Variants in TBC1D5 observed in about 807,000 individuals in gnomAD.
TBC1D5 encodes TBC1 domain family, member 5.
In TBC1D5, 75 loss-of-function variants were observed where a neutral mutation model predicts 100.3. The observed-to-expected ratio is 0.75, with a 90% confidence interval of 0.62 to 0.91. The LOEUF is 0.91. TBC1D5 is among the 40% of genes least tolerant of loss of function. The pLI is 0.00. For missense variants in TBC1D5, 910 were observed against 942.4 expected, an observed-to-expected ratio of 0.97 and a Z score of 0.45; for synonymous variants, 323 against 325.6, an observed-to-expected ratio of 0.99 and a Z score of 0.09.
At position 17,677,454 on chromosome 3, in the gene TBC1D5, A is replaced by G. The variant is rs1442206169; in HGVS notation, c.-100-53541T>C. On this transcript the variant is annotated intron_variant, in intron 1 of 21. Coordinates refer to ENST00000253692, the Ensembl canonical transcript of TBC1D5. ...CAAAGCAAAACCACAATGAGATACC[A>G]TCTCACACCAGTTAGAATGGTGATC... 2.0e-5 allele frequency among the ~76,000 whole-genome samples: 3 copies of G among 152,224 alleles called. No individual in the cohort carries two copies. In the East Asian group the frequency reaches 5.8e-4, roughly 29 times the overall value.
chr3:17,215,943 G>A (rs1199445231), intron 17 of TBC1D5, among the ~76,000 whole-genome samples: 3 of 152,110 alleles, frequency 2.0e-5, no homozygotes, highest in African/African-American at 4.8e-5. Context: ...TTACACTGAC[G>A]CTTCCTCTGC....
intron 15 of TBC1D5, among the ~76,000 whole-genome samples, chr3:17,262,324 G>A (rs1238599950): frequency 6.6e-6 from 1 of 151,950 alleles, no homozygotes; most frequent in Non-Finnish European, 1.5e-5. Context: ...AACAGAAAAG[G>A]TACAGTAAAA....
chr3:17,562,837 G>T (rs1224114977), intron 2 of TBC1D5, among the ~76,000 whole-genome samples: 1 of 152,182 alleles, frequency 6.6e-6, no homozygotes, highest in Admixed American at 6.5e-5. Context: ...AAATTCCAAA[G>T]GGACTGTGAG....
chr3:17,707,871 G>A (rs762506603), intron 1 of TBC1D5, among the ~76,000 whole-genome samples: 1 of 152,152 alleles, frequency 6.6e-6, no homozygotes, highest in Non-Finnish European at 1.5e-5. Context: ...ATTCATCAAT[G>A]AGTGTATTTT....
intron 1 of TBC1D5, among the ~76,000 whole-genome samples, chr3:17,652,188 C>G (rs528146637): frequency 5.9e-5 from 9 of 152,288 alleles, no homozygotes; most frequent in Non-Finnish European, 8.8e-5. Context: ...TAGACCTGAT[C>G]TAGTCCTAAG....
intron 16 of TBC1D5, among the ~76,000 whole-genome samples, chr3:17,253,553 G>A (rs555635879): frequency 2.0e-5 from 3 of 152,182 alleles, no homozygotes; most frequent in East Asian, 3.9e-4. Context: ...TGACACTTGT[G>A]TACACCTGTA....
At chr3:17,593,670 C>G (rs1385856823) in intron 2 of TBC1D5, among the ~76,000 whole-genome samples, 1 of 152,142 alleles carries the variant, frequency 6.6e-6, no homozygotes, top group Non-Finnish European at 1.5e-5. Context: ...CACACAGCAC[C>G]CTCTGACCAA....
intron 18 of TBC1D5, among the ~76,000 whole-genome samples, chr3:17,213,433 G>A (rs1401236760): frequency 6.6e-6 from 1 of 152,142 alleles, no homozygotes; most frequent in Non-Finnish European, 1.5e-5. Context: ...TTAAAGCAGT[G>A]GATATGCCTT....
At chr3:17,739,514 G>A (rs114999082) in exon 1 of TBC1D5, 1 of 152,284 alleles carries the variant, frequency 6.6e-6, no homozygotes, top group African/African-American at 2.4e-5. Flanking sequence ...TACATGTAGG[G>A]TGGAGGACAA....
In TBC1D5 at chr3:17,225,498, C is replaced by T. The variant is rs553546301; in HGVS notation, c.1589-11128G>A. On this transcript the variant is annotated intron_variant, in intron 17 of 21. Transcript: ENST00000253692. The stretch of plus-strand genomic sequence containing the variant: ...ACCAAACAGTACAACACAAATAGTA[C>T]AAATAAAAATACAGTATAACAGGCT... Among the ~76,000 whole-genome samples, 12 of 146,212 alleles carry T rather than the reference C, an allele frequency of 8.2e-5. No individual in the cohort carries two copies. The East Asian group carries it at 2.0e-3, about 25-fold the overall frequency.
At chr3:17,237,490 C>A (rs192326249) in intron 17 of TBC1D5, among the ~76,000 whole-genome samples, 2 of 152,178 alleles carry the variant, frequency 1.3e-5, no homozygotes, top group Non-Finnish European at 2.9e-5. Context: ...GGCCCTAACA[C>A]AGAAATTAGC....
At chr3:17,174,016 G>T (rs1220076623) in intron 19 of TBC1D5, among the ~76,000 whole-genome samples, 1 of 152,184 alleles carries the variant, frequency 6.6e-6, no homozygotes, top group Non-Finnish European at 1.5e-5. Context: ...AGTACATGGT[G>T]TGTATCTCTG....
At chr3:17,376,359 C>T (rs1305253135) in intron 10 of TBC1D5, among the ~76,000 whole-genome samples, 166 bp downstream of exon 10, 1 of 152,070 alleles carries the variant, frequency 6.6e-6, no homozygotes, top group African/African-American at 2.4e-5. Context: ...ACTGGCCTAA[C>T]AACAATTAAG....
At chr3:17,703,753 A>T (rs1329772148) in intron 1 of TBC1D5, among the ~76,000 whole-genome samples, 1 of 152,182 alleles carries the variant, frequency 6.6e-6, no homozygotes, top group African/African-American at 2.4e-5. Flanking sequence ...TACATATGAG[A>T]GTCTGGGAAT....
At chr3:17,243,431 C>T (rs1005479190) in intron 16 of TBC1D5, among the ~76,000 whole-genome samples, 3 of 151,962 alleles carry the variant, frequency 2.0e-5, no homozygotes, top group Non-Finnish European at 4.4e-5. Context: ...GCTAATTATT[C>T]TGATTTGATC....
intron 3 of TBC1D5, among the ~76,000 whole-genome samples, chr3:17,450,713 C>T (rs1240633432): frequency 1.3e-5 from 2 of 152,116 alleles, no homozygotes; most frequent in Admixed American, 1.3e-4. Context: ...TGAACAAAGC[C>T]TCCAAGAAAT....
intron 4 of TBC1D5, among the ~76,000 whole-genome samples, chr3:17,409,145 C>T (rs1281960711): frequency 6.6e-6 from 1 of 152,120 alleles, no homozygotes; most frequent in Non-Finnish European, 1.5e-5. Flanking sequence ...AGGTTTGTGG[C>T]AACCTTGCAT....
chr3:17,405,023 C>A (rs2093735413), intron 5 of TBC1D5, 62 bp from the exon 6 acceptor site: 2 of 935,376 alleles, frequency 2.1e-6, no homozygotes, highest in East Asian at 2.6e-5. Flanking sequence ...TGAAACTATG[C>A]CAAACTGAAC....
chr3:17,613,788 T>G (rs1255646293), intron 2 of TBC1D5, among the ~76,000 whole-genome samples: 1 of 152,176 alleles, frequency 6.6e-6, no homozygotes, highest in Non-Finnish European at 1.5e-5. Flanking sequence ...GGATATTAGC[T>G]CTTTGTCAGA....
Sources: gnomAD v4.1 joint callset for allele counts (sites outside exome capture counted in the v4.1 genomes callset) on GRCh38, gnomAD v4.1.1 for gene constraint, MANE v1.5 for transcripts, NCBI Gene and HGNC (gene_info 2026-07-23, HGNC 2026-07-21) for gene names.